ZFPM1: variants seen among roughly 807,000 people sequenced by gnomAD.
ZFPM1 encodes the protein zinc finger protein ZFPM1.
A neutral mutation model predicts 46.3 loss-of-function variants in ZFPM1; 28 were observed. The ratio of observed to expected loss-of-function variants is 0.60; its 90% CI spans 0.45 to 0.83. The LOEUF (loss-of-function observed/expected upper bound fraction) is 0.83, where lower values mean the gene tolerates loss of function less well. ZFPM1 is among the 40% of genes least tolerant of loss of function. ZFPM1 has a pLI of 0.00. For synonymous variants in ZFPM1, 957 were observed against 675.9 expected, an observed-to-expected ratio of 1.42 and a Z score of -6.45; for missense variants, 1,878 against 1,432.4, an observed-to-expected ratio of 1.31 and a Z score of -5.02.
At chr16:88,459,216 C>T (rs761873771) in intron 1 of ZFPM1, among the ~76,000 whole-genome samples, 1 of 152,198 alleles carries the variant, frequency 6.6e-6, no homozygotes, top group Non-Finnish European at 1.5e-5. Flanking sequence ...ACCCACTCCC[C>T]GCTCAGGCCC....
In ZFPM1 at chr16:88,489,571, G is replaced by A. The variant is rs992168897; in HGVS notation, c.268+418G>A. ...GCTGTGCTGAGGTGCCCAGGCAGGC[G>A]GTCAGGCCTGAAGGGCAGGAGAGGG... On this transcript the variant is annotated intron_variant, in intron 3 of 9. Transcript: ENST00000319555. Among the ~76,000 whole-genome samples the A allele has an allele frequency of 2.4e-4, 37 of 152,212 alleles. 1 individual carries two copies. The highest frequency in any genetic ancestry group is 2.1e-4 in the South Asian group (1 of 4,838).
intron 1 of ZFPM1, among the ~76,000 whole-genome samples, chr16:88,482,341 G>A (rs543357726): frequency 3.3e-5 from 5 of 152,230 alleles, no homozygotes; most frequent in South Asian, 2.1e-4. Context: ...CTCAGACACC[G>A]AGGCAGGCCC....
intron 4 of ZFPM1, among the ~76,000 whole-genome samples, chr16:88,526,357 G>A (rs1192884956): frequency 1.3e-5 from 2 of 152,232 alleles, no homozygotes; most frequent in Non-Finnish European, 2.9e-5. Flanking sequence ...TCTAGGGCCT[G>A]TGTGGAAGGA....
chr16:88,526,584 C>T (rs1297428295), intron 4 of ZFPM1, among the ~76,000 whole-genome samples: 1 of 152,216 alleles, frequency 6.6e-6, no homozygotes. Flanking sequence ...AGGTACTACT[C>T]CCTGCCAAGC....
In ZFPM1 at chr16:88,534,505, C is replaced by T. The variant is rs752433684; in HGVS notation, c.2547C>T (p.Leu849=). Residue 849 remains leucine, a synonymous_variant, in exon 10 of 10, where the codon CTC becomes CTT. Coordinates refer to ENST00000319555, the MANE Select transcript of ZFPM1 (RefSeq NM_153813.3). ...SCPAAPPPGA[L]GLPAAACPYC... is the part of the protein sequence containing the mutation. ...CCGCTGCGCCACCGCCCGGCGCGCT[C>T]GGCCTGCCCGCCGCCGCCTGCCCCT... is the stretch of plus-strand genomic sequence containing the variant. The T allele has an allele frequency of 1.6e-5, 23 of 1,452,942 alleles. No individual in the cohort carries two copies. The highest frequency in any genetic ancestry group is 2.4e-5 in the Admixed American group (1 of 40,824). 90.0% of individuals were successfully genotyped at this position (1,452,942 alleles called of 1,614,324 possible).
Position 88,477,001 on chromosome 16 carries a change from G to A in ZFPM1, c.41-8938G>A, listed in dbSNP as rs113248955. Among the ~76,000 whole-genome samples the A allele has an allele frequency of 3.1e-4, 48 of 152,386 alleles. No individual in the cohort carries two copies. The East Asian group carries it at 3.7e-3, about 12-fold the overall frequency. ...GGAGAGAAGATTTGGACGTGCGCAC[G>A]CCCGTGCGCCGGGTCCCTTCTCCAC... On this transcript the variant is annotated intron_variant, in intron 1 of 9. Coordinates refer to ENST00000319555, the MANE Select transcript of ZFPM1 (RefSeq NM_153813.3).
chr16:88,462,461 G>A (rs909073958), intron 1 of ZFPM1, among the ~76,000 whole-genome samples: 2 of 152,224 alleles, frequency 1.3e-5, no homozygotes, highest in Non-Finnish European at 2.9e-5. Flanking sequence ...GGGTGGCTGC[G>A]CTAGAGTCTC....
intron 3 of ZFPM1, among the ~76,000 whole-genome samples, chr16:88,510,166 C>A (rs1910875245): frequency 6.6e-6 from 1 of 152,292 alleles, no homozygotes; most frequent in Admixed American, 6.5e-5. Flanking sequence ...ACCCCCTTCT[C>A]CATATGGGTA....
chr16:88,489,381 G>A (rs1029813417), intron 3 of ZFPM1: 22 of 572,858 alleles, frequency 3.8e-5, no homozygotes, highest in African/African-American at 9.7e-5. Flanking sequence ...ACAAGGAAGC[G>A]CTGGGGGGTT....
intron 1 of ZFPM1, among the ~76,000 whole-genome samples, chr16:88,454,725 C>T (rs1226317816): frequency 6.6e-6 from 1 of 152,220 alleles, no homozygotes; most frequent in Admixed American, 6.5e-5. Flanking sequence ...AATAACTTTG[C>T]GCCTCACAGT....
intron 3 of ZFPM1, among the ~76,000 whole-genome samples, chr16:88,505,369 C>G (rs962729947): frequency 2.6e-5 from 4 of 152,182 alleles, no homozygotes; most frequent in South Asian, 2.1e-4. Flanking sequence ...TGGTGCCCTC[C>G]TCCTCCAAAC....
chr16:88,467,477 C>A (rs988429815), intron 1 of ZFPM1, among the ~76,000 whole-genome samples: 4 of 152,246 alleles, frequency 2.6e-5, no homozygotes, highest in Non-Finnish European at 5.9e-5. Context: ...TGACACTTCA[C>A]TTCTCTGGGC....
rs768879595 is a variant in ZFPM1, at chr16:88,532,883, G to A, written c.1137G>A (p.Lys379=). The A allele has an allele frequency of 1.9e-6, 3 of 1,613,344 alleles. No homozygotes were observed. The highest frequency in any genetic ancestry group is 2.5e-6 in the Non-Finnish European group (3 of 1,179,950). ...ACATGGTCTGCCAGCCTGGCTCCAA[G>A]GGTGAGATCTACTCGCCAGGGGCCG... The part of the protein sequence containing the change: ...TNHMVCQPGS[K]GEIYSPGAGH... Residue 379 remains lysine, a synonymous_variant, in exon 9 of 10, where the codon AAG becomes AAA. Transcript: ENST00000319555.
chr16:88,525,830 T>A (rs1413323250), intron 4 of ZFPM1, among the ~76,000 whole-genome samples: 1 of 152,218 alleles, frequency 6.6e-6, no homozygotes, highest in Admixed American at 6.5e-5. Context: ...TCGCATTTCC[T>A]CTGCCATTCA....
intron 4 of ZFPM1, 62 bp from the exon 5 acceptor site, chr16:88,526,752 G>A (rs988396170): frequency 2.2e-5 from 34 of 1,518,598 alleles, no homozygotes; most frequent in South Asian, 1.8e-4. Context: ...ACATACTCAC[G>A]GGAACCCCCA....
chr16:88,527,026 G>C, intron 5 of ZFPM1, 110 bp downstream of exon 5: 1 of 1,457,592 alleles, frequency 6.9e-7, no homozygotes, highest in Non-Finnish European at 9.1e-7. Context: ...GCAGGGGATG[G>C]GGCACAGGGA....
intron 1 of ZFPM1, among the ~76,000 whole-genome samples, chr16:88,460,276 G>C (rs763834967): frequency 1.3e-5 from 2 of 152,216 alleles, no homozygotes; most frequent in African/African-American, 4.8e-5. Flanking sequence ...GCCTACTGTT[G>C]GCAGGGCCCG....
At position 88,534,312 on chromosome 16, in the gene ZFPM1, G is replaced by A; in HGVS notation, c.2354G>A (p.Arg785His). The change falls in exon 10 of 10, where the codon CGC (arginine) becomes CAC (histidine). Residue 785 changes from arginine (R) to histidine (H), a missense_variant. Transcript: ENST00000319555. The stretch of plus-strand genomic sequence containing the variant: ...AGCGGCCCCGGCCTCGCCCCTGCGC[G>A]CTCGCCCGGCCCCGCGGCCGACGGC... ...SGSGPGLAPA[R>H]SPGPAADGPI... The A allele has an allele frequency of 1.5e-6, 2 of 1,309,046 alleles. No individual in the cohort carries two copies. Among genetic ancestry groups the A allele is most frequent in the Non-Finnish European group, 1.9e-6 (2 of 1,030,460 alleles). The allele number at this position is 1,309,046 out of a possible 1,614,324, so 81.1% of individuals were successfully genotyped here.
In ZFPM1 at chr16:88,534,365, C is replaced by T. The variant is rs755947526; in HGVS notation, c.2407C>T (p.Arg803Cys). Residue 803 changes from arginine (R) to cysteine (C), a missense_variant, in exon 10 of 10, where the codon CGC becomes TGC. Coordinates refer to ENST00000319555, the MANE Select transcript of ZFPM1 (RefSeq NM_153813.3). ...CATCGACCTGAGCAAGAAGCCGCGG[C>T]GCCCGCTCCCCGGAGCCCCGGCACC... ...GPIDLSKKPRRPLPGAPAPAL... is the reference protein window; with the variant it reads ...GPIDLSKKPRCPLPGAPAPAL... The T allele has an allele frequency of 4.9e-6, 7 of 1,430,310 alleles. No homozygotes were observed. The highest frequency in any genetic ancestry group is 5.5e-6 in the Non-Finnish European group (6 of 1,096,244). 88.6% of individuals were successfully genotyped at this position (1,430,310 alleles called of 1,614,324 possible). A position where few individuals can be genotyped will look rare whatever the true frequency, so the allele number is the denominator to read the frequency against.
Sources: gnomAD v4.1 joint callset for allele counts (sites outside exome capture counted in the v4.1 genomes callset) on GRCh38, gnomAD v4.1.1 for gene constraint, MANE v1.5 for transcripts, NCBI Gene and HGNC (gene_info 2026-07-23, HGNC 2026-07-21) for gene names.